The following ADAMTS8 variants were observed in gnomAD, a reference collection of about 807,000 sequenced individuals.
ADAMTS8 encodes the protein A disintegrin and metalloproteinase with thrombospondin motifs 8.
ADAMTS8 carries 50 observed loss-of-function variants against 64.4 expected under a neutral mutation model. The ratio of observed to expected loss-of-function variants is 0.78; its 90% CI spans 0.62 to 0.98. ADAMTS8 has a LOEUF of 0.98. Among genes scored for constraint, ADAMTS8 ranks in the 50% least tolerant of loss-of-function variants. ADAMTS8 has a pLI of 0.00. For synonymous variants in ADAMTS8, 556 were observed against 533.6 expected, an observed-to-expected ratio of 1.04 and a Z score of -0.58; for missense variants, 1,192 against 1,208.2, an observed-to-expected ratio of 0.99 and a Z score of 0.20.
chr11:130,417,138 G>C, intron 2 of ADAMTS8, 63 bp from the exon 3 acceptor site: 1 of 1,599,068 alleles, frequency 6.3e-7, no homozygotes, highest in Non-Finnish European at 8.5e-7. Flanking sequence ...CTGCAGGCCT[G>C]CAGGGCCGGG....
rs775882152 is a variant in ADAMTS8, at chr11:130,428,052, ACTCGGGCGCTAGGAAGCTGTC to A, written c.214_234del (p.Asp72_Glu78del). 1.0e-4 allele frequency: 158 copies of A among 1,533,378 alleles called. No individual in the cohort carries two copies. The highest frequency in any genetic ancestry group is 1.5e-4 in the East Asian group (6 of 39,900). 95.0% of individuals were successfully genotyped at this position (1,533,378 alleles called of 1,614,324 possible). A position where few individuals can be genotyped will look rare whatever the true frequency, so the allele number is the denominator to read the frequency against. ...GAGCCCCCGAGGCGCTCGATCTTGA[ACTCGGGCGCTAGGAAGCTGTC>A]GTCGGGCGCCAGGCGCAGCACGAAG... is the stretch of plus-strand genomic sequence containing the variant. On this transcript the variant is annotated inframe_deletion, in exon 1 of 9. Coordinates refer to ENST00000257359, the MANE Select transcript of ADAMTS8 (RefSeq NM_007037.6).
chr11:130,405,395 C>G lies in ADAMTS8; in HGVS notation c.*163G>C. On this transcript the variant is annotated 3_prime_UTR_variant, in exon 9 of 9. Coordinates refer to ENST00000257359, the MANE Select transcript of ADAMTS8 (RefSeq NM_007037.6). ...CGCCCCATACCCTCTCCTCTTCCCC[C>G]TTAGGAATTTGTGCAGTACTGGAGG... 7.0e-7 allele frequency: 1 copy of G among 1,434,950 alleles called. No homozygotes were observed. 88.9% of individuals were successfully genotyped at this position (1,434,950 alleles called of 1,614,324 possible). A position where few individuals can be genotyped will look rare whatever the true frequency, so the allele number is the denominator to read the frequency against.
Position 130,405,246 on chromosome 11 carries a change from T to G in ADAMTS8, c.*312A>C. 8.7e-7 allele frequency: 1 copy of G among 1,148,498 alleles called. No homozygotes were observed. Among genetic ancestry groups the G allele is most frequent in the Non-Finnish European group, 1.1e-6 (1 of 934,582 alleles). The allele number at this position is 1,148,498 out of a possible 1,614,324, so 71.1% of individuals were successfully genotyped here. A position where few individuals can be genotyped will look rare whatever the true frequency, so the allele number is the denominator to read the frequency against. On this transcript the variant is annotated 3_prime_UTR_variant, in exon 9 of 9. Coordinates refer to ENST00000257359, the MANE Select transcript of ADAMTS8 (RefSeq NM_007037.6). ...TTTTCATTTAAGTTTGCTAGTCCTT[T>G]GCAAACAGACTGACGCTGAGTGTCC...
rs1384756484 is a variant in ADAMTS8, at chr11:130,414,933, C to A, written c.1265-101G>T. 7.1e-6 allele frequency: 9 copies of A among 1,261,284 alleles called. No homozygotes were observed. In the African/African-American group the frequency reaches 1.4e-4, roughly 19 times the overall value. The allele number at this position is 1,261,284 out of a possible 1,614,324, so 78.1% of individuals were successfully genotyped here. A position where few individuals can be genotyped will look rare whatever the true frequency, so the allele number is the denominator to read the frequency against. On this transcript the variant is annotated intron_variant, in intron 4 of 8. Coordinates refer to ENST00000257359, the MANE Select transcript of ADAMTS8 (RefSeq NM_007037.6). Reference sequence around the variant, plus strand: ...GATGGCACTGAAGGTCTAGGTGTCACGACTTCTTGACCTCCAACTAAAAGC... The same window carrying A: ...GATGGCACTGAAGGTCTAGGTGTCAAGACTTCTTGACCTCCAACTAAAAGC...
In ADAMTS8 at chr11:130,405,055, A is replaced by AT; in HGVS notation, c.*502dup. The AT allele has an allele frequency of 2.5e-5, 25 of 987,490 alleles. No individual in the cohort carries two copies. Among genetic ancestry groups the AT allele is most frequent in the Non-Finnish European group, 3.0e-5 (25 of 831,192 alleles). The allele number at this position is 987,490 out of a possible 1,614,324, so 61.2% of individuals were successfully genotyped here. On this transcript the variant is annotated 3_prime_UTR_variant, in exon 9 of 9. Coordinates refer to ENST00000257359, the MANE Select transcript of ADAMTS8 (RefSeq NM_007037.6). ...GACGCTGCGGCCCTTTAGGTGATGG[A>AT]TTTTAACACTGAAGACAGTCGTGGT...
intron 8 of ADAMTS8, among the ~76,000 whole-genome samples, chr11:130,406,715 A>G (rs1861889605): frequency 6.6e-6 from 1 of 152,204 alleles, no homozygotes; most frequent in African/African-American, 2.4e-5. Flanking sequence ...CTTTGAAGCC[A>G]CCTTCTGGGA....
intron 2 of ADAMTS8, among the ~76,000 whole-genome samples, chr11:130,418,329 C>T (rs1862054782): frequency 6.6e-6 from 1 of 152,144 alleles, no homozygotes; most frequent in Non-Finnish European, 1.5e-5. Flanking sequence ...TACAGGCTGG[C>T]TGTATCCTAG....
At position 130,428,137 on chromosome 11, in the gene ADAMTS8, C is replaced by G. The variant is rs749120901; in HGVS notation, c.150G>C (p.Ala50=). The change falls in exon 1 of 9, where the codon GCG becomes GCC. Residue 50 remains alanine, a synonymous_variant. Coordinates refer to ENST00000257359, the MANE Select transcript of ADAMTS8 (RefSeq NM_007037.6). ...LVVPTRLPGS[A]GELALHLSAF... ...CGGACAGGTGGAGCGCGAGCTCGCC[C>G]GCGCTGCCGGGCAACCGCGTGGGCA... The G allele has an allele frequency of 4.0e-6, 6 of 1,494,254 alleles. No homozygotes were observed. The highest frequency in any genetic ancestry group is 4.5e-5 in the Admixed American group (2 of 44,932). 92.6% of individuals were successfully genotyped at this position (1,494,254 alleles called of 1,614,324 possible). A position where few individuals can be genotyped will look rare whatever the true frequency, so the allele number is the denominator to read the frequency against.
chr11:130,424,592 C>G (rs1460255017), intron 1 of ADAMTS8, among the ~76,000 whole-genome samples: 1 of 152,200 alleles, frequency 6.6e-6, no homozygotes, highest in African/African-American at 2.4e-5. Flanking sequence ...TGCCTTCCCT[C>G]TGTGTGAATG....
chr11:130,427,594 C>T lies in ADAMTS8; in HGVS notation c.693G>A (p.Met231Ile). The stretch of plus-strand genomic sequence containing the variant: ...GCAGGTCGGCCCCGTAGAAGGCAGC[C>T]ATGGACGCATCGGCCACCAGCAGCG... ...VETLLVADAS[M>I]AAFYGADLQN... Residue 231 changes from methionine (M) to isoleucine (I), a missense_variant, in exon 1 of 9, where the codon ATG (methionine) becomes ATA (isoleucine). Coordinates refer to ENST00000257359, the MANE Select transcript of ADAMTS8 (RefSeq NM_007037.6). The T allele has an allele frequency of 1.3e-6, 2 of 1,542,498 alleles. No homozygotes were observed. Among genetic ancestry groups the T allele is most frequent in the Non-Finnish European group, 8.7e-7 (1 of 1,147,654 alleles).
At position 130,405,212 on chromosome 11, in the gene ADAMTS8, G is replaced by T. The variant is rs1207229563; in HGVS notation, c.*346C>A. 1.9e-6 allele frequency: 2 copies of T among 1,062,492 alleles called. No homozygotes were observed. Among genetic ancestry groups the T allele is most frequent in the Non-Finnish European group, 2.3e-6 (2 of 880,348 alleles). 65.8% of individuals were successfully genotyped at this position (1,062,492 alleles called of 1,614,324 possible). ...GATTATTTATCGGGGAAACCAGATAGAATTTTTTTTTTCATTTAAGTTTGC... is the reference window on the plus strand; with the variant it reads ...GATTATTTATCGGGGAAACCAGATATAATTTTTTTTTTCATTTAAGTTTGC... On this transcript the variant is annotated 3_prime_UTR_variant, in exon 9 of 9. Transcript: ENST00000257359.
rs1862204418 is a variant in ADAMTS8, at chr11:130,428,143, G to C, written c.144C>G (p.Gly48=). Residue 48 remains glycine (G), a synonymous_variant, in exon 1 of 9, where the codon GGC becomes GGG. Transcript: ENST00000257359. ...GGTGGAGCGCGAGCTCGCCCGCGCT[G>C]CCGGGCAACCGCGTGGGCACCACCA... ...SELVVPTRLP[G]SAGELALHLS... 2.0e-6 allele frequency: 3 copies of C among 1,489,442 alleles called. No homozygotes were observed. The highest frequency in any genetic ancestry group is 2.5e-5 in the South Asian group (2 of 79,370). The allele number at this position is 1,489,442 out of a possible 1,614,324, so 92.3% of individuals were successfully genotyped here. A position where few individuals can be genotyped will look rare whatever the true frequency, so the allele number is the denominator to read the frequency against.
intron 4 of ADAMTS8, among the ~76,000 whole-genome samples, chr11:130,415,187 T>C (rs1171085208): frequency 1.3e-5 from 2 of 152,224 alleles, no homozygotes; most frequent in East Asian, 3.8e-4. Context: ...GCTGTCTGGA[T>C]CATCTTATTT....
Position 130,408,941 on chromosome 11 carries a change from C to A in ADAMTS8, c.1751-1G>T. ...CACTGCTGCTCCCTGAAGCTTTTCCCTAGAAAGAGGAAGAAACGGCATGGA... is the reference window on the plus strand; with the variant it reads ...CACTGCTGCTCCCTGAAGCTTTTCCATAGAAAGAGGAAGAAACGGCATGGA... On this transcript the variant is annotated splice_acceptor_variant, in intron 6 of 8. Transcript: ENST00000257359. LOFTEE classifies it high-confidence loss of function. The A allele has an allele frequency of 1.3e-6, 2 of 1,526,182 alleles. No homozygotes were observed. The highest frequency in any genetic ancestry group is 1.8e-6 in the Non-Finnish European group (2 of 1,136,454). The allele number at this position is 1,526,182 out of a possible 1,614,324, so 94.5% of individuals were successfully genotyped here.
intron 4 of ADAMTS8, among the ~76,000 whole-genome samples, chr11:130,415,116 T>G (rs1035177388): frequency 5.3e-5 from 8 of 152,152 alleles, no homozygotes; most frequent in Non-Finnish European, 1.0e-4. Flanking sequence ...ACAATATTCA[T>G]CCATATCACA....
At position 130,419,030 on chromosome 11, in the gene ADAMTS8, G is replaced by A. The variant is rs1025032741; in HGVS notation, c.960+23C>T. 1.9e-6 allele frequency: 3 copies of A among 1,613,510 alleles called. No individual in the cohort carries two copies. In the South Asian group the frequency reaches 3.3e-5, roughly 18 times the overall value. Reference sequence around the variant, plus strand: ...CCATCCTGTCTCCCTTCCTCCCCAGGGCTTCCGGAGCCAGGCACGGACCTG... The same window carrying A: ...CCATCCTGTCTCCCTTCCTCCCCAGAGCTTCCGGAGCCAGGCACGGACCTG... On this transcript the variant is annotated intron_variant, in intron 2 of 8. Transcript: ENST00000257359.
rs1347894084 is a variant in ADAMTS8, at chr11:130,408,937, T to G, written c.1754A>C (p.Lys585Thr). The change falls in exon 7 of 9, where the codon AAA becomes ACA. Residue 585 changes from lysine to threonine, a missense_variant. Transcript: ENST00000257359. ...CHTEECPPDGKSFREQQCEKY... is the reference protein window; with the variant it reads ...CHTEECPPDGTSFREQQCEKY... Reference sequence around the variant, plus strand: ...CTCACACTGCTGCTCCCTGAAGCTTTTCCCTAGAAAGAGGAAGAAACGGCA... The same window carrying G: ...CTCACACTGCTGCTCCCTGAAGCTTGTCCCTAGAAAGAGGAAGAAACGGCA... 1.3e-6 allele frequency: 2 copies of G among 1,527,982 alleles called. No homozygotes were observed. The highest frequency in any genetic ancestry group is 4.6e-5 in the East Asian group (2 of 43,050). 94.7% of individuals were successfully genotyped at this position (1,527,982 alleles called of 1,614,324 possible).
chr11:130,423,184 G>A (rs1435828541), intron 1 of ADAMTS8, among the ~76,000 whole-genome samples: 2 of 152,210 alleles, frequency 1.3e-5, no homozygotes, highest in South Asian at 2.1e-4. Flanking sequence ...CAGCAAGTCC[G>A]CCTGTCATTG....
intron 1 of ADAMTS8, among the ~76,000 whole-genome samples, chr11:130,422,881 C>T (rs373602891): frequency 7.9e-5 from 12 of 152,176 alleles, no homozygotes; most frequent in African/African-American, 2.7e-4. Flanking sequence ...TTTCCATCAC[C>T]GAAGGCAACT....
Sources: gnomAD v4.1 joint callset for allele counts (sites outside exome capture counted in the v4.1 genomes callset) on GRCh38, gnomAD v4.1.1 for gene constraint, MANE v1.5 for transcripts, NCBI Gene and HGNC (gene_info 2026-07-23, HGNC 2026-07-21) for gene names.